Variants in GRID2 observed in about 807,000 individuals in gnomAD.
GRID2 encodes the protein glutamate ionotropic receptor delta type subunit 2.
GRID2 carries 33 observed loss-of-function variants against 114.8 expected under a neutral mutation model. That is an observed-to-expected ratio of 0.29 (90% CI 0.22 to 0.38). The LOEUF (loss-of-function observed/expected upper bound fraction) is 0.38, where lower values mean the gene tolerates loss of function less well. GRID2 is among the 10% of genes least tolerant of loss of function. GRID2 has a pLI of 1.00. For synonymous variants in GRID2, 505 were observed against 449.9 expected, an observed-to-expected ratio of 1.12 and a Z score of -1.55; for missense variants, 1,184 against 1,257.7, an observed-to-expected ratio of 0.94 and a Z score of 0.89.
chr4:93,432,935 T>A (rs186431585), intron 10 of GRID2, among the ~76,000 whole-genome samples: 4 of 152,020 alleles, frequency 2.6e-5, no homozygotes, highest in Admixed American at 2.6e-4. Flanking sequence ...CTAGACATGG[T>A]GGTGCATGGC....
In GRID2 at chr4:93,172,113, C is replaced by G. The variant is rs565419274; in HGVS notation, c.736-35291C>G. On this transcript the variant is annotated intron_variant, in intron 4 of 15. Transcript: ENST00000282020. ...GGTCAATATATTTCATCTTCACCTA[C>G]AAGTTTAAAAACATATACCACAAGA... Among the ~76,000 whole-genome samples, 3 of 152,250 alleles carry G rather than the reference C, an allele frequency of 2.0e-5. No homozygotes were observed. The South Asian group carries it at 6.2e-4, about 32-fold the overall frequency.
chr4:92,630,272 C>G (rs1436645501), intron 2 of GRID2, among the ~76,000 whole-genome samples: 2 of 152,088 alleles, frequency 1.3e-5, no homozygotes. Context: ...ATTTCTCCAT[C>G]CTTGTACTTC....
At chr4:93,189,879 G>T (rs1579239780) in intron 4 of GRID2, among the ~76,000 whole-genome samples, 1 of 151,050 alleles carries the variant, frequency 6.6e-6, no homozygotes, top group Non-Finnish European at 1.5e-5. Context: ...CTCCAAAAGT[G>T]TGTATAAAAA....
chr4:92,398,665 C>A (rs1036561193), intron 1 of GRID2, among the ~76,000 whole-genome samples: 1 of 152,018 alleles, frequency 6.6e-6, no homozygotes, highest in Non-Finnish European at 1.5e-5. Context: ...CATAACAATT[C>A]TGGAATTATT....
rs182813534 is a variant in GRID2 at position 93,716,479 on chromosome 4, A to C, written c.2361-52731A>C. Among the ~76,000 whole-genome samples, 360 of 152,274 alleles carry C rather than the reference A, an allele frequency of 2.4e-3. 4 individuals are homozygous for C. The highest frequency in any genetic ancestry group is 0.014 in the Middle Eastern group (4 of 294). ...ATTTCAACACTATTGTCAACAGAAT[A>C]TATTAAGCACTTAACTCCTTAAAAA... On this transcript the variant is annotated intron_variant, in intron 14 of 15. Coordinates refer to ENST00000282020, the MANE Select transcript of GRID2 (RefSeq NM_001510.4).
intron 1 of GRID2, among the ~76,000 whole-genome samples, chr4:92,381,560 T>C (rs1030839082): frequency 2.0e-5 from 3 of 151,990 alleles, no homozygotes; most frequent in African/African-American, 7.2e-5. Flanking sequence ...ACCCTACTAA[T>C]GTCACTTGCT....
At chr4:92,517,028 A>G (rs2149136264) in intron 1 of GRID2, among the ~76,000 whole-genome samples, 1 of 145,032 alleles carries the variant, frequency 6.9e-6, no homozygotes, top group South Asian at 2.1e-4. Flanking sequence ...ACTTATAAAC[A>G]TATCTGGGAT....
intron 2 of GRID2, among the ~76,000 whole-genome samples, chr4:92,620,155 G>T (rs1730197308): frequency 6.6e-6 from 1 of 151,722 alleles, no homozygotes; most frequent in Admixed American, 6.6e-5. Context: ...GCTAGTAAAA[G>T]ATTTTGAATG....
chr4:93,377,014 A>T (rs1284899018), intron 8 of GRID2, among the ~76,000 whole-genome samples: 1 of 152,214 alleles, frequency 6.6e-6, no homozygotes, highest in East Asian at 1.9e-4. Context: ...CTTGGGAAGT[A>T]TGATAATGGT....
chr4:93,579,886 T>A (rs1001612199), intron 13 of GRID2, among the ~76,000 whole-genome samples: 2 of 152,154 alleles, frequency 1.3e-5, no homozygotes, highest in African/African-American at 4.8e-5. Context: ...AAAGACTGAG[T>A]GATCAGGAGG....
intron 13 of GRID2, among the ~76,000 whole-genome samples, chr4:93,526,668 G>T (rs1312389360): frequency 6.6e-6 from 1 of 152,128 alleles, no homozygotes; most frequent in East Asian, 1.9e-4. Context: ...AATTAGCCAG[G>T]TGTGGTGGCG....
intron 2 of GRID2, among the ~76,000 whole-genome samples, chr4:92,726,198 A>G (rs113995087): frequency 0.012 from 1,791 of 152,264 alleles, 26 homozygotes; most frequent in African/African-American, 0.041. Flanking sequence ...GGAGAGGGAC[A>G]AATGGGATTT....
At chr4:93,443,810 C>T (rs1410806582) in intron 10 of GRID2, among the ~76,000 whole-genome samples, 2 of 151,088 alleles carry the variant, frequency 1.3e-5, no homozygotes, top group Non-Finnish European at 3.0e-5. Flanking sequence ...AGTATATAGC[C>T]AAGAATCTAT....
intron 2 of GRID2, among the ~76,000 whole-genome samples, chr4:92,653,216 T>C (rs1227557206): frequency 2.7e-5 from 4 of 150,106 alleles, no homozygotes; most frequent in African/African-American, 9.8e-5. Context: ...GCCAGGCTGG[T>C]CTTGAACTCC....
At chr4:93,407,432 T>G (rs1766565725) in intron 9 of GRID2, among the ~76,000 whole-genome samples, 1 of 152,170 alleles carries the variant, frequency 6.6e-6, no homozygotes, top group African/African-American at 2.4e-5. Context: ...TTTTATAATA[T>G]GTTCCTTGGG....
At chr4:93,763,943 G>A (rs923726477) in intron 14 of GRID2, among the ~76,000 whole-genome samples, 9 of 152,176 alleles carry the variant, frequency 5.9e-5, no homozygotes, top group Non-Finnish European at 1.3e-4. Context: ...AGAAAAGTTT[G>A]AGAGGAACTT....
intron 4 of GRID2, among the ~76,000 whole-genome samples, chr4:93,197,273 T>A (rs2149454923): frequency 6.6e-6 from 1 of 152,308 alleles, no homozygotes; most frequent in African/African-American, 2.4e-5. Flanking sequence ...GAGAAAATTT[T>A]GTAGAACATA....
At chr4:92,681,056 A>G (rs1355183618) in intron 2 of GRID2, among the ~76,000 whole-genome samples, 1 of 152,208 alleles carries the variant, frequency 6.6e-6, no homozygotes, top group Non-Finnish European at 1.5e-5. Flanking sequence ...ATTGGAAACA[A>G]TCCAGGAGAG....
chr4:92,527,354 A>C (rs940046054), intron 1 of GRID2, among the ~76,000 whole-genome samples: 1 of 152,136 alleles, frequency 6.6e-6, no homozygotes, highest in African/African-American at 2.4e-5. Context: ...CAAGGCTACT[A>C]CTTTATACAT....
Sources: allele counts gnomAD v4.1 joint callset (sites outside exome capture counted in the v4.1 genomes callset), GRCh38; gene constraint gnomAD v4.1.1; transcripts MANE v1.5; gene names NCBI Gene and HGNC (gene_info 2026-07-23, HGNC 2026-07-21).